The following FHIT variants were observed in gnomAD, a reference collection of about 807,000 sequenced individuals.
FHIT encodes the protein bis(5'-adenosyl)-triphosphatase.
Under a neutral mutation model 17.9 loss-of-function variants are expected in FHIT, and 19 were observed. That is an observed-to-expected ratio of 1.06 (90% CI 0.74 to 1.56). The LOEUF (loss-of-function observed/expected upper bound fraction) is 1.56, where lower values mean the gene tolerates loss of function less well. FHIT is among the 40% of genes most tolerant of loss of function. The probability of loss-of-function intolerance (pLI) is 0.00; values close to 1 mark genes in which losing one functional copy is unlikely to be tolerated. For synonymous variants in FHIT, 81 were observed against 69.7 expected (o/e 1.16, Z -0.81); for missense variants, 248 against 189.2 (o/e 1.31, Z -1.82).
chr3:60,173,268 C>T (rs1156969404), intron 5 of FHIT, among the ~76,000 whole-genome samples: 2 of 152,146 alleles, frequency 1.3e-5, no homozygotes, highest in African/African-American at 4.8e-5. Context: ...AGATTCCATC[C>T]ATCAGGCACA....
intron 7 of FHIT, among the ~76,000 whole-genome samples, chr3:59,970,152 T>G (rs188187974): frequency 3.3e-5 from 5 of 152,248 alleles, no homozygotes; most frequent in Admixed American, 2.0e-4. Flanking sequence ...ATGGTCTTTA[T>G]GAACAGATGG....
intron 3 of FHIT, among the ~76,000 whole-genome samples, chr3:60,871,977 A>T (rs2107071906): frequency 6.6e-6 from 1 of 152,138 alleles, no homozygotes; most frequent in East Asian, 1.9e-4. Context: ...TTATATTTTT[A>T]AAAGGAATAT....
At chr3:59,976,792 A>G (rs1007229436) in intron 7 of FHIT, among the ~76,000 whole-genome samples, 1 of 152,176 alleles carries the variant, frequency 6.6e-6, no homozygotes, top group African/African-American at 2.4e-5. Context: ...GTCAAGTGAA[A>G]TAATATCTCC....
At chr3:60,390,598 T>G (rs1289969781) in intron 5 of FHIT, among the ~76,000 whole-genome samples, 1 of 152,100 alleles carries the variant, frequency 6.6e-6, no homozygotes, top group Non-Finnish European at 1.5e-5. Context: ...CCATGCCTGT[T>G]ACTGTCCCTA....
intron 1 of FHIT, among the ~76,000 whole-genome samples, chr3:61,207,338 T>G (rs1266652824): frequency 1.3e-5 from 2 of 152,218 alleles, no homozygotes; most frequent in Admixed American, 6.5e-5. Flanking sequence ...CCTCATAAAA[T>G]GAGTTAGGGA....
At chr3:60,081,589 G>A (rs779942219) in intron 5 of FHIT, among the ~76,000 whole-genome samples, 2 of 152,098 alleles carry the variant, frequency 1.3e-5, no homozygotes, top group Non-Finnish European at 2.9e-5. Context: ...ATTAACTATG[G>A]ATGGACTCCA....
intron 4 of FHIT, among the ~76,000 whole-genome samples, chr3:60,648,545 T>C (rs536439451): frequency 2.0e-5 from 3 of 152,056 alleles, no homozygotes; most frequent in East Asian, 1.9e-4. Flanking sequence ...ACAGAAAACA[T>C]TGAATATTGC....
At chr3:60,249,023 A>G (rs182339223) in intron 5 of FHIT, among the ~76,000 whole-genome samples, 3 of 152,276 alleles carry the variant, frequency 2.0e-5, no homozygotes, top group Admixed American at 2.0e-4. Flanking sequence ...AGTCAATCGA[A>G]TATAAAAGCA....
chr3:60,884,055 CCTGAATA>C (rs1705097925), intron 3 of FHIT, among the ~76,000 whole-genome samples: 1 of 152,096 alleles, frequency 6.6e-6, no homozygotes, highest in Non-Finnish European at 1.5e-5. Context: ...GGGCAAAAGA[CCTGAATA>C]GACATTTCTT....
chr3:61,156,754 T>C (rs2037544657), intron 2 of FHIT, among the ~76,000 whole-genome samples: 1 of 152,212 alleles, frequency 6.6e-6, no homozygotes, highest in Non-Finnish European at 1.5e-5. Context: ...CATCTTTCTG[T>C]AATTAGCAAC....
intron 2 of FHIT, among the ~76,000 whole-genome samples, chr3:61,143,569 T>C (rs2107012725): frequency 6.6e-6 from 1 of 152,136 alleles, no homozygotes; most frequent in African/African-American, 2.4e-5. Context: ...AATTAATACC[T>C]AAAAAAAATT....
intron 8 of FHIT, among the ~76,000 whole-genome samples, chr3:59,904,084 A>AC (rs903076911): frequency 2.8e-5 from 4 of 141,768 alleles, no homozygotes; most frequent in African/African-American, 7.8e-5. Flanking sequence ...TCTCCCCCAC[A>AC]CCCCCCCGCC....
rs1015102745 is a variant in FHIT at position 60,014,090 on chromosome 3, C to T, written c.166G>A (p.Ala56Thr). 5 of 1,614,064 alleles carry T rather than the reference C, an allele frequency of 3.1e-6. No homozygotes were observed. In the South Asian group the frequency reaches 4.4e-5, roughly 14 times the overall value. ...RFHDLRPDEV[A>T]DLFQTTQRVG... ...CTCTGGGTCGTCTGAAACAAATCGG[C>T]CACTTCATCAGGACGCAGGTCATGG... Residue 56 changes from alanine to threonine, a missense_variant, in exon 6 of 10, where the codon GCC becomes ACC. Transcript: ENST00000492590.
chr3:60,101,504 C>T (rs1014432545), intron 5 of FHIT, among the ~76,000 whole-genome samples: 1 of 152,188 alleles, frequency 6.6e-6, no homozygotes. Flanking sequence ...TCTCTGCCTT[C>T]CCTCACCCAC....
At chr3:59,892,195 A>T (rs1460802741) in intron 8 of FHIT, among the ~76,000 whole-genome samples, 5 of 152,216 alleles carry the variant, frequency 3.3e-5, no homozygotes, top group Admixed American at 3.3e-4. Context: ...GGAGGGACAT[A>T]GCTGGTCAAA....
At chr3:60,339,723 A>T (rs1287312871) in intron 5 of FHIT, among the ~76,000 whole-genome samples, 3 of 152,190 alleles carry the variant, frequency 2.0e-5, no homozygotes, top group Non-Finnish European at 4.4e-5. Context: ...GAAATTAACT[A>T]CATCGTGCTT....
intron 8 of FHIT, among the ~76,000 whole-genome samples, chr3:59,908,843 C>CTTTTTTTTTTTTTTTTTTTTTTTTTTTTT (rs1264578670): frequency 6.6e-6 from 1 of 150,742 alleles, no homozygotes; most frequent in Non-Finnish European, 1.5e-5. Flanking sequence ...AAGAACATTT[C>CTTTTTTTTTTTTTTTTTTTTTTTTTTTTT]ATTTTTTAAT....
intron 7 of FHIT, among the ~76,000 whole-genome samples, chr3:59,951,038 G>C (rs1707090011): frequency 6.6e-6 from 1 of 152,150 alleles, no homozygotes. Context: ...TTGTATTAAG[G>C]CTTTAATAGA....
Position 59,748,048 on chromosome 3 carries a change from C to CTTTT in FHIT, c.*1536_*1537insAAAA, listed in dbSNP as rs1331523880. On this transcript the variant is annotated 3_prime_UTR_variant, in exon 10 of 10. Coordinates refer to ENST00000492590, the MANE Select transcript of FHIT (RefSeq NM_002012.4). The stretch of plus-strand genomic sequence containing the variant: ...GAATTAAATGCCCCTCTAATGGTGG[C>CTTTT]TAGCCTCACTTTTTAACACAGAGAC... Among the ~76,000 whole-genome samples the CTTTT allele has an allele frequency of 6.6e-6, 1 of 152,134 alleles. No individual in the cohort carries two copies. The highest frequency in any genetic ancestry group is 2.4e-5 in the African/African-American group (1 of 41,432).
Sources: allele counts gnomAD v4.1 joint callset (sites outside exome capture counted in the v4.1 genomes callset), GRCh38; gene constraint gnomAD v4.1.1; transcripts MANE v1.5; gene names NCBI Gene and HGNC (gene_info 2026-07-23, HGNC 2026-07-21).